Variants in TENM2 observed in about 807,000 individuals in gnomAD.
TENM2 encodes teneurin-2.
In TENM2, 52 loss-of-function variants were observed where a neutral mutation model predicts 245.2. That is an observed-to-expected ratio of 0.21 (90% CI 0.17 to 0.27). The LOEUF (loss-of-function observed/expected upper bound fraction) is 0.27, where lower values mean the gene tolerates loss of function less well. Among genes scored for constraint, TENM2 ranks in the 10% least tolerant of loss-of-function variants. The pLI, the probability that TENM2 is intolerant of heterozygous loss-of-function variation, is 1.00. For synonymous variants in TENM2, 1,363 were observed against 1,438.9 expected, an observed-to-expected ratio of 0.95 and a Z score of 1.19; for missense variants, 3,046 against 3,666.8, an observed-to-expected ratio of 0.83 and a Z score of 4.37.
chr5:167,995,503 C>A (rs997286215), intron 5 of TENM2, among the ~76,000 whole-genome samples: 4 of 152,128 alleles, frequency 2.6e-5, no homozygotes, highest in African/African-American at 9.7e-5. Context: ...ATTTACCCTG[C>A]AGTGATGGCA....
Position 168,249,572 on chromosome 5 carries a change from A to G in TENM2, c.7432+1201A>G, listed in dbSNP as rs17731302. 6.6e-3 allele frequency among the ~76,000 whole-genome samples: 999 copies of G among 152,238 alleles called. 29 individuals carry two copies. In the East Asian group the frequency reaches 0.085, roughly 13 times the overall value. The stretch of plus-strand genomic sequence containing the variant: ...GAATTCATGGGACCTTGGCCGGCAG[A>G]AGTGAGCTCAAGGCTGAAGGAAGGC... On this transcript the variant is annotated intron_variant, in intron 27 of 28. Transcript: ENST00000518659.
intron 2 of TENM2, among the ~76,000 whole-genome samples, chr5:167,376,223 A>G (rs991146213): frequency 1.1e-4 from 16 of 152,332 alleles, no homozygotes; most frequent in African/African-American, 3.8e-4. Flanking sequence ...TTTCTGAGCA[A>G]TTCCGAAGTG....
At chr5:167,781,527 C>T (rs1345687346) in intron 2 of TENM2, among the ~76,000 whole-genome samples, 1 of 152,182 alleles carries the variant, frequency 6.6e-6, no homozygotes, top group Admixed American at 6.5e-5. Flanking sequence ...TACTTACTGC[C>T]TCCTTAGAGT....
At chr5:167,217,577 C>T in the TENM2 span, among the ~76,000 whole-genome samples, 1 of 151,836 alleles carries the variant, frequency 6.6e-6, no homozygotes. Context: ...GCACCTGTGG[C>T]CGAGCTGTGC....
chr5:167,745,040 A>G (rs1582895419), intron 2 of TENM2, among the ~76,000 whole-genome samples: 1 of 152,334 alleles, frequency 6.6e-6, no homozygotes, highest in African/African-American at 2.4e-5. Context: ...CTTTCTAGAC[A>G]GGCAACAACC....
chr5:167,972,325 AT>A (rs1294970849), intron 4 of TENM2, among the ~76,000 whole-genome samples: 1 of 152,206 alleles, frequency 6.6e-6, no homozygotes, highest in Non-Finnish European at 1.5e-5. Context: ...TATACATATC[AT>A]TTGGCAACTT....
intron 2 of TENM2, among the ~76,000 whole-genome samples, chr5:167,530,217 C>T (rs74969008): frequency 5.3e-5 from 8 of 152,172 alleles, no homozygotes; most frequent in African/African-American, 1.4e-4. Context: ...TGTGACAGAT[C>T]GGATTTTAAA....
At chr5:167,863,191 C>CA (rs1771985837) in intron 2 of TENM2, among the ~76,000 whole-genome samples, 1 of 152,198 alleles carries the variant, frequency 6.6e-6, no homozygotes, top group African/African-American at 2.4e-5. Flanking sequence ...TCGTAAATTA[C>CA]AAACCATGAC....
chr5:167,007,293 C>A, the TENM2 span, among the ~76,000 whole-genome samples: 1 of 152,128 alleles, frequency 6.6e-6, no homozygotes, highest in Non-Finnish European at 1.5e-5. This position sits in a 1 kb window ranked among gnomAD's most constrained non-coding sequence, Gnocchi z 4.2. Flanking sequence ...TTTCCCAGCT[C>A]ATAGCTAAAT....
chr5:168,050,581 G>A (rs927321912), intron 6 of TENM2, among the ~76,000 whole-genome samples: 3 of 152,190 alleles, frequency 2.0e-5, no homozygotes, highest in Non-Finnish European at 4.4e-5. Context: ...TACTGGATAA[G>A]TATCCAGCAG....
chr5:167,285,425 G>A (rs1771281993), intron 1 of TENM2, among the ~76,000 whole-genome samples: 2 of 152,090 alleles, frequency 1.3e-5, no homozygotes, highest in Non-Finnish European at 2.9e-5. Flanking sequence ...AAAATATGAT[G>A]TTAATTCTGA....
chr5:167,993,971 G>A (rs1783864236), intron 5 of TENM2, among the ~76,000 whole-genome samples: 1 of 152,238 alleles, frequency 6.6e-6, no homozygotes, highest in Non-Finnish European at 1.5e-5. Context: ...AGCGCCCAGG[G>A]GCAGGGTGCC....
chr5:167,940,791 G>A (rs1362233950), intron 3 of TENM2, among the ~76,000 whole-genome samples: 1 of 152,186 alleles, frequency 6.6e-6, no homozygotes, highest in East Asian at 1.9e-4. Context: ...AAATGCCTTT[G>A]TTCTTGCTTT....
the TENM2 span, among the ~76,000 whole-genome samples, chr5:167,105,626 C>T: frequency 1.2e-3 from 186 of 151,942 alleles, 2 homozygotes; most frequent in Middle Eastern, 3.4e-3. Context: ...CGGTGGCTCA[C>T]GCCTGTAATC....
chr5:168,194,425 G>A (rs1382326331), intron 14 of TENM2, among the ~76,000 whole-genome samples: 1 of 152,154 alleles, frequency 6.6e-6, no homozygotes, highest in East Asian at 1.9e-4. Context: ...TGTCTGGAAA[G>A]AGGGAGATGT....
upstream of TENM2, among the ~76,000 whole-genome samples, chr5:167,284,360 G>C (rs560298578): frequency 1.3e-5 from 2 of 152,016 alleles, no homozygotes; most frequent in Non-Finnish European, 2.9e-5. Context: ...TCTTTTGGAG[G>C]GGGGGTGGTA....
chr5:167,942,017 G>A (rs6893479), intron 3 of TENM2, among the ~76,000 whole-genome samples: 16,731 of 152,196 alleles, frequency 0.11, 983 homozygotes, highest in African/African-American at 0.14. Flanking sequence ...AGACCAGCCT[G>A]GCCAACACGG....
chr5:167,209,828 G>A, the TENM2 span, among the ~76,000 whole-genome samples: 4 of 152,146 alleles, frequency 2.6e-5, no homozygotes, highest in African/African-American at 9.7e-5. Flanking sequence ...AGAAATGCCT[G>A]ATACTTACAA....
At chr5:167,274,606 G>A in the TENM2 span, among the ~76,000 whole-genome samples, 1 of 148,846 alleles carries the variant, frequency 6.7e-6, no homozygotes, top group South Asian at 2.1e-4. Context: ...TAAGAAACTA[G>A]CCAACTGCCT....
Sources: gnomAD v4.1 joint callset for allele counts (sites outside exome capture counted in the v4.1 genomes callset) on GRCh38, gnomAD v4.1.1 for gene constraint, Gnocchi (gnomAD v3.1) non-coding constraint, MANE v1.5 for transcripts, NCBI Gene and HGNC (gene_info 2026-07-23, HGNC 2026-07-21) for gene names.